Variants in BST1 observed in about 807,000 individuals in gnomAD.
BST1 encodes ADP-ribosyl cyclase/cyclic ADP-ribose hydrolase 2.
In BST1, 49 loss-of-function variants were observed where a neutral mutation model predicts 40.6. The ratio of observed to expected loss-of-function variants is 1.21; its 90% CI spans 0.96 to 1.53. The LOEUF (loss-of-function observed/expected upper bound fraction) is 1.53, where lower values mean the gene tolerates loss of function less well. Among genes scored for constraint, BST1 ranks in the 40% most tolerant of loss-of-function variants. BST1 has a pLI of 0.00. For missense variants in BST1, 423 were observed against 395.9 expected, an observed-to-expected ratio of 1.07 and a Z score of -0.58; for synonymous variants, 157 against 159.3, an observed-to-expected ratio of 0.99 and a Z score of 0.11.
intron 8 of BST1, among the ~76,000 whole-genome samples, chr4:15,726,869 A>ATTTT (rs58317518): frequency 7.7e-6 from 1 of 129,626 alleles, no homozygotes; most frequent in African/African-American, 2.9e-5. Flanking sequence ...TTTCCTCGGT[A>ATTTT]TTTTTTTTTT....
chr4:15,710,183 A>C (rs1208855699), intron 3 of BST1, among the ~76,000 whole-genome samples: 2 of 151,960 alleles, frequency 1.3e-5, no homozygotes, highest in African/African-American at 4.8e-5. Context: ...CATGTTGCCC[A>C]GGCTGGTCTT....
At position 15,705,509 on chromosome 4, in the gene BST1, G is replaced by T. The variant is rs766615416; in HGVS notation, c.189-6G>T. ...TGTGTTCTTCCCAACTTGTACTTTT[G>T]CACAGGAACAAGAACTGCACAGCCA... On this transcript the variant is annotated splice_region_variant and splice_polypyrimidine_tract_variant and intron_variant, in intron 1 of 8. Coordinates refer to ENST00000265016, the MANE Select transcript of BST1 (RefSeq NM_004334.3). 6.4e-7 allele frequency: 1 copy of T among 1,563,914 alleles called. No homozygotes were observed. The highest frequency in any genetic ancestry group is 8.6e-7 in the Non-Finnish European group (1 of 1,158,936).
chr4:15,703,249 C>G lies in BST1; in HGVS notation c.105C>G (p.Arg35=), dbSNP rs774751814. The change falls in exon 1 of 9, where the codon CGC becomes CGG. Residue 35 remains arginine (R), a synonymous_variant. Coordinates refer to ENST00000265016, the MANE Select transcript of BST1 (RefSeq NM_004334.3). ...LAAGGARARW[R]GEGTSAHLRD... is the part of the protein sequence containing the mutation. ...CGGGCGGGGCGCGCGCGCGGTGGCG[C>G]GGGGAGGGCACCAGCGCACACTTGC... The G allele has an allele frequency of 1.3e-6, 2 of 1,542,054 alleles. No homozygotes were observed. Among genetic ancestry groups the G allele is most frequent in the East Asian group, 2.5e-5 (1 of 40,712 alleles).
chr4:15,719,098 G>T (rs888565392), intron 7 of BST1, 105 bp downstream of exon 7: 3 of 980,596 alleles, frequency 3.1e-6, no homozygotes, highest in Non-Finnish European at 4.5e-6. Context: ...GAAGGCCATG[G>T]TGTCTTCCGG....
At chr4:15,709,373 A>G (rs375177437) in intron 3 of BST1, among the ~76,000 whole-genome samples, 1 of 152,218 alleles carries the variant, frequency 6.6e-6, no homozygotes. Flanking sequence ...GTGAGCTATG[A>G]GGCTAGAGGA....
At chr4:15,721,939 C>T (rs1333103633) in intron 7 of BST1, among the ~76,000 whole-genome samples, 2 of 152,192 alleles carry the variant, frequency 1.3e-5, no homozygotes, top group African/African-American at 4.8e-5. Context: ...AGTGATCGTG[C>T]CACAGAGATC....
At chr4:15,706,079 G>C (rs1490089914) in intron 2 of BST1, among the ~76,000 whole-genome samples, 4 of 152,170 alleles carry the variant, frequency 2.6e-5, no homozygotes, top group Non-Finnish European at 5.9e-5. Context: ...CAGGAGAACA[G>C]CAGCAAAGGG....
Position 15,707,558 on chromosome 4 carries a change from C to T in BST1, c.363C>T (p.Asp121=), listed in dbSNP as rs1381990893. 1 of 1,613,962 alleles carries T rather than the reference C, an allele frequency of 6.2e-7. No homozygotes were observed. The highest frequency in any genetic ancestry group is 8.5e-7 in the Non-Finnish European group (1 of 1,179,974). ...NSHLLVNSFA[D]NTRRFMPLSD... ...ACCTCCTTGTTAACAGCTTTGCAGA[C>T]AACACCCGTCGTTTTATGCCCCTGA... is the stretch of plus-strand genomic sequence containing the variant. The change falls in exon 3 of 9, where the codon GAC becomes GAT. Residue 121 remains aspartate (D), a synonymous_variant. Coordinates refer to ENST00000265016, the MANE Select transcript of BST1 (RefSeq NM_004334.3).
the BST1 span, among the ~76,000 whole-genome samples, chr4:15,747,578 G>C: frequency 6.6e-6 from 1 of 152,298 alleles, no homozygotes; most frequent in East Asian, 1.9e-4. Context: ...CATTGTCAGC[G>C]AGCTGTGTTA....
chr4:15,712,327 T>A (rs1720261061), intron 4 of BST1, among the ~76,000 whole-genome samples: 1 of 152,138 alleles, frequency 6.6e-6, no homozygotes, highest in Non-Finnish European at 1.5e-5. Flanking sequence ...AGATGGAGGA[T>A]AAGCTGGAGA....
intron 7 of BST1, among the ~76,000 whole-genome samples, chr4:15,722,063 C>T (rs1720837792): frequency 6.6e-6 from 1 of 152,214 alleles, no homozygotes; most frequent in Non-Finnish European, 1.5e-5. Flanking sequence ...TCTTCTCCCT[C>T]TGTTGTGCAC....
chr4:15,766,110 G>A, the BST1 span, among the ~76,000 whole-genome samples: 32 of 152,090 alleles, frequency 2.1e-4, no homozygotes, highest in Admixed American at 6.5e-4. Flanking sequence ...AGCCACTGAG[G>A]ACGTACCTGA....
the BST1 span, among the ~76,000 whole-genome samples, chr4:15,772,130 C>T: frequency 6.6e-6 from 1 of 152,014 alleles, no homozygotes; most frequent in Non-Finnish European, 1.5e-5. Flanking sequence ...GACATTTATT[C>T]CACGTGTGTT....
intron 8 of BST1, among the ~76,000 whole-genome samples, chr4:15,725,416 C>T (rs1010076307): frequency 6.6e-6 from 1 of 152,280 alleles, no homozygotes; most frequent in East Asian, 1.9e-4. Context: ...TATTCGTTCC[C>T]TGTGAATTTG....
At chr4:15,743,520 G>T in the BST1 span, 2 of 347,820 alleles carry the variant, frequency 5.8e-6, no homozygotes, top group South Asian at 4.9e-5. Context: ...ATCCTACCTA[G>T]AGCAGAATGT....
intron 3 of BST1, among the ~76,000 whole-genome samples, chr4:15,707,917 A>G (rs528286885): frequency 6.6e-6 from 1 of 150,560 alleles, no homozygotes; most frequent in African/African-American, 2.4e-5. Context: ...ATACATATCT[A>G]TATCTATATA....
chr4:15,759,071 A>G, the BST1 span, among the ~76,000 whole-genome samples: 1 of 151,920 alleles, frequency 6.6e-6, no homozygotes, highest in Non-Finnish European at 1.5e-5. Flanking sequence ...AGTTAAGTTA[A>G]CTGACCTCTG....
intron 7 of BST1, among the ~76,000 whole-genome samples, chr4:15,721,959 C>T (rs1720832660): frequency 6.6e-6 from 1 of 152,142 alleles, no homozygotes; most frequent in African/African-American, 2.4e-5. Context: ...CCTGTCTAGG[C>T]TTGCCTCCTA....
intron 8 of BST1, among the ~76,000 whole-genome samples, chr4:15,726,153 T>C (rs1721102905): frequency 6.7e-6 from 1 of 149,302 alleles, no homozygotes; most frequent in African/African-American, 2.5e-5. Context: ...TTTTTTTTTT[T>C]TTGTAGAGAT....
Sources: allele counts gnomAD v4.1 joint callset (sites outside exome capture counted in the v4.1 genomes callset), GRCh38; gene constraint gnomAD v4.1.1; transcripts MANE v1.5; gene names NCBI Gene and HGNC (gene_info 2026-07-23, HGNC 2026-07-21).